DPPA3: variants seen among roughly 807,000 people sequenced by gnomAD.
DPPA3 encodes the protein developmental pluripotency-associated protein 3.
DPPA3 carries 9 observed loss-of-function variants against 15.6 expected under a neutral mutation model. The ratio of observed to expected loss-of-function variants is 0.58; its 90% confidence interval spans 0.35 to 1.01. DPPA3 has a LOEUF of 1.01. Among genes scored for constraint, DPPA3 ranks in the 50% least tolerant of loss-of-function variants. The pLI, the probability that DPPA3 is intolerant of heterozygous loss-of-function variation, is 0.02. For synonymous variants in DPPA3, 61 were observed against 70.9 expected (o/e 0.86, Z 0.70); for missense variants, 148 against 194.6 (o/e 0.76, Z 1.42).
chr12:7,713,183 G>A (rs1864363745), intron 1 of DPPA3, among the ~76,000 whole-genome samples: 1 of 152,228 alleles, frequency 6.6e-6, no homozygotes, highest in South Asian at 2.1e-4. Flanking sequence ...CTAGGGTGGT[G>A]GCGGCAGAAA....
intron 1 of DPPA3, among the ~76,000 whole-genome samples, chr12:7,714,581 T>G (rs995589248): frequency 6.6e-6 from 1 of 152,084 alleles, no homozygotes; most frequent in Non-Finnish European, 1.5e-5. Flanking sequence ...TGGCGCAACC[T>G]GAGGTCACTG....
At chr12:7,714,144 G>A (rs767129268) in intron 1 of DPPA3, among the ~76,000 whole-genome samples, 2 of 151,420 alleles carry the variant, frequency 1.3e-5, no homozygotes, top group African/African-American at 4.8e-5. Flanking sequence ...GCAGGAGAAT[G>A]GCGTGAACCC....
At chr12:7,711,720 C>CTTTTTTTTTTTTTTTTTTTTTTT (rs3069565) in intron 1 of DPPA3, 68 bp downstream of exon 1, 1 of 321,020 alleles carries the variant, frequency 3.1e-6, no homozygotes, top group African/African-American at 4.4e-5. Flanking sequence ...AGGCTGCCGT[C>CTTTTTTTTTTTTTTTTTTTTTTT]TTTTTTTTTT....
intron 1 of DPPA3, among the ~76,000 whole-genome samples, chr12:7,713,521 C>T (rs1326434474): frequency 3.3e-5 from 5 of 152,116 alleles, no homozygotes; most frequent in African/African-American, 7.2e-5. Flanking sequence ...CACACATACA[C>T]GGGCAGTTAA....
chr12:7,714,774 G>T (rs764524032), intron 1 of DPPA3, among the ~76,000 whole-genome samples: 3 of 151,760 alleles, frequency 2.0e-5, no homozygotes, highest in Non-Finnish European at 4.4e-5. Flanking sequence ...GTGCAGTGGC[G>T]CGATCTCGGC....
At position 7,713,449 on chromosome 12, in the gene DPPA3, C is replaced by T. The variant is rs763787602; in HGVS notation, c.83-1734C>T. Among the ~76,000 whole-genome samples, 7 of 152,294 alleles carry T rather than the reference C, an allele frequency of 4.6e-5. No individual in the cohort carries two copies. The South Asian group carries it at 1.4e-3, about 32-fold the overall frequency. On this transcript the variant is annotated intron_variant, in intron 1 of 3. Transcript: ENST00000345088. The stretch of plus-strand genomic sequence containing the variant: ...GCACAGGTCCCTAGACTTTGAGAAT[C>T]GATCTCGAACTTTGATATTGTTTAA...
chr12:7,716,504 CCAGA>C (rs1290176835), intron 3 of DPPA3, among the ~76,000 whole-genome samples: 4 of 152,152 alleles, frequency 2.6e-5, no homozygotes, highest in Admixed American at 6.6e-5. Context: ...ACGTCACACA[CCAGA>C]ATTGCACACT....
At position 7,716,325 on chromosome 12, in the gene DPPA3, G is replaced by C. The variant is rs545582138; in HGVS notation, c.369+86G>C. On this transcript the variant is annotated intron_variant, in intron 3 of 3. Coordinates refer to ENST00000345088, the MANE Select transcript of DPPA3 (RefSeq NM_199286.4). Reference sequence around the variant, plus strand: ...GTATCTGGTTTGTTTCCTTTTGCCGGAATAGGGAATTAGGGAATTTGCTTG... The same window carrying C: ...GTATCTGGTTTGTTTCCTTTTGCCGCAATAGGGAATTAGGGAATTTGCTTG... The C allele has an allele frequency of 3.7e-4, 401 of 1,079,846 alleles. 1 individual carries two copies. Among genetic ancestry groups the C allele is most frequent in the Non-Finnish European group, 5.0e-4 (376 of 754,480 alleles). The allele number at this position is 1,079,846 out of a possible 1,614,324, so 66.9% of individuals were successfully genotyped here.
At chr12:7,712,176 A>G (rs1383970781) in intron 1 of DPPA3, among the ~76,000 whole-genome samples, 1 of 150,528 alleles carries the variant, frequency 6.6e-6, no homozygotes, top group African/African-American at 2.4e-5. Context: ...CGGCCTCCCA[A>G]AGTACTGGGA....
chr12:7,713,895 G>GT (rs1459899005), intron 1 of DPPA3, among the ~76,000 whole-genome samples: 1 of 152,212 alleles, frequency 6.6e-6, no homozygotes, highest in Non-Finnish European at 1.5e-5. Flanking sequence ...CGCTTGTAGC[G>GT]CCAGCTACTC....
At chr12:7,712,758 T>C (rs1864358771) in intron 1 of DPPA3, among the ~76,000 whole-genome samples, 1 of 152,126 alleles carries the variant, frequency 6.6e-6, no homozygotes, top group African/African-American at 2.4e-5. Context: ...TTTTTATTTT[T>C]ATTTTTATTT....
chr12:7,716,346 G>T, intron 3 of DPPA3, 107 bp downstream of exon 3: 2 of 893,308 alleles, frequency 2.2e-6, no homozygotes, highest in Non-Finnish European at 3.4e-6. Context: ...TAGGGAATTT[G>T]CTTGGACTTT....
At chr12:7,711,707 A>T in intron 1 of DPPA3, 55 bp downstream of exon 1, 1 of 1,009,284 alleles carries the variant, frequency 9.9e-7, no homozygotes, top group Non-Finnish European at 1.4e-6. Context: ...TTGGGAGGTC[A>T]AAAGGCTGCC....
chr12:7,711,646 GATTCAGGTAAGCC>G lies in DPPA3; in HGVS notation c.78_82+8del, dbSNP rs1565453972. ...GCTCACCGAAGAAAATTCCCGGGACGATTCAGGTAAGCCAGATAATGCCCTTCTTGACTATCTG... is the reference window on the plus strand; with the variant it reads ...GCTCACCGAAGAAAATTCCCGGGACGAGATAATGCCCTTCTTGACTATCTG... On this transcript the variant is annotated splice_donor_variant and splice_donor_5th_base_variant and coding_sequence_variant and intron_variant, in exon 1 of 4. Transcript: ENST00000345088. LOFTEE classifies it high-confidence loss of function. 6.2e-7 allele frequency: 1 copy of G among 1,607,752 alleles called. No individual in the cohort carries two copies. The highest frequency in any genetic ancestry group is 2.3e-5 in the East Asian group (1 of 44,358).
chr12:7,715,561 T>C, intron 2 of DPPA3, 134 bp downstream of exon 2: 2 of 1,356,324 alleles, frequency 1.5e-6, no homozygotes, highest in Non-Finnish European at 1.0e-6. Flanking sequence ...TTCGGGAGGC[T>C]GAGGCAGGTG....
chr12:7,711,488 C>G lies in DPPA3; in HGVS notation c.-83C>G, dbSNP rs1017399226. 1 of 1,336,004 alleles carries G rather than the reference C, an allele frequency of 7.5e-7. No homozygotes were observed. The highest frequency in any genetic ancestry group is 2.6e-5 in the East Asian group (1 of 38,576). 82.8% of individuals were successfully genotyped at this position (1,336,004 alleles called of 1,614,324 possible). A position where few individuals can be genotyped will look rare whatever the true frequency, so the allele number is the denominator to read the frequency against. ...GGTTTTCAGCCTCTTTCCGGGCTAC[C>G]TGGTAGCAATTTGAGGCTCTGTCAT... On this transcript the variant is annotated 5_prime_UTR_variant, in exon 1 of 4. Coordinates refer to ENST00000345088, the MANE Select transcript of DPPA3 (RefSeq NM_199286.4).
In DPPA3 at chr12:7,711,589, A is replaced by G; in HGVS notation, c.19A>G (p.Asn7Asp). The G allele has an allele frequency of 6.2e-7, 1 of 1,613,784 alleles. No homozygotes were observed. The highest frequency in any genetic ancestry group is 8.5e-7 in the Non-Finnish European group (1 of 1,179,866). Residue 7 changes from asparagine to aspartate, a missense_variant, in exon 1 of 4, where the codon AAT becomes GAT. Physicochemically the swap from Asn to Asp is conservative, Grantham distance 23. Transcript: ENST00000345088. MDPSQFNPTYIPGSPQM... is the reference protein window; with the variant it reads MDPSQFDPTYIPGSPQM... Reference sequence around the variant, plus strand: ...GACGCCGATGGACCCATCACAGTTTAATCCAACCTACATCCCAGGGTCTCC... The same window carrying G: ...GACGCCGATGGACCCATCACAGTTTGATCCAACCTACATCCCAGGGTCTCC...
At position 7,715,184 on chromosome 12, in the gene DPPA3, G is replaced by A. The variant is rs772855721; in HGVS notation, c.84G>A (p.Gly28=). The A allele has an allele frequency of 4.3e-6, 7 of 1,613,204 alleles. No homozygotes were observed. In the East Asian group the frequency reaches 1.6e-4, roughly 36 times the overall value. ...ATGGCTTTTAACCTTCTCTTTCAGG[G>A]GCCTCTCAAATCTCCTCCGAGACGT... ...LTEENSRDDS[G]ASQISSETLI... The change falls in exon 2 of 4, where the codon GGG becomes GGA. Residue 28 remains glycine, a splice_region_variant and synonymous_variant. Coordinates refer to ENST00000345088, the MANE Select transcript of DPPA3 (RefSeq NM_199286.4).
rs776309829 is a variant in DPPA3 at position 7,717,083 on chromosome 12, A to C, written c.*6A>C. ...CCAAGCCACTTCAGCCATAAATCTTATTCTTGCACCTTTTTTTCTTGGTAG... is the reference window on the plus strand; with the variant it reads ...CCAAGCCACTTCAGCCATAAATCTTCTTCTTGCACCTTTTTTTCTTGGTAG... On this transcript the variant is annotated 3_prime_UTR_variant, in exon 4 of 4. Coordinates refer to ENST00000345088, the MANE Select transcript of DPPA3 (RefSeq NM_199286.4). 9.4e-6 allele frequency: 15 copies of C among 1,590,192 alleles called. No individual in the cohort carries two copies. The East Asian group carries it at 2.9e-4, about 31-fold the overall frequency.
Sources: allele counts gnomAD v4.1 joint callset (sites outside exome capture counted in the v4.1 genomes callset), GRCh38; gene constraint gnomAD v4.1.1; transcripts MANE v1.5; gene names NCBI Gene and HGNC (gene_info 2026-07-23, HGNC 2026-07-21).